The following PRTFDC1 variants were observed in gnomAD, a reference collection of about 807,000 sequenced individuals.
The protein encoded by PRTFDC1 is phosphoribosyltransferase domain-containing protein 1.
A neutral mutation model predicts 34.6 loss-of-function variants in PRTFDC1; 38 were observed. The observed-to-expected ratio is 1.10, with a 90% CI of 0.85 to 1.44. The LOEUF (loss-of-function observed/expected upper bound fraction) is 1.44. PRTFDC1 is among the 40% of genes most tolerant of loss of function. The pLI, the probability that PRTFDC1 is intolerant of heterozygous loss-of-function variation, is 0.00. For synonymous variants in PRTFDC1, 93 were observed against 98.1 expected (o/e 0.95, Z 0.31); for missense variants, 270 against 283.0 (o/e 0.95, Z 0.33).
At chr10:24,913,021 G>A (rs745448221) in intron 3 of PRTFDC1, among the ~76,000 whole-genome samples, 79 of 152,170 alleles carry the variant, frequency 5.2e-4, no homozygotes, top group African/African-American at 8.9e-4. Flanking sequence ...ACAATTTTTC[G>A]AAATCAGATT....
At chr10:24,912,839 G>A (rs1248616571) in intron 3 of PRTFDC1, among the ~76,000 whole-genome samples, 1 of 151,782 alleles carries the variant, frequency 6.6e-6, no homozygotes, top group African/African-American at 2.4e-5. Context: ...GATTACTGCA[G>A]TCACCTCTGA....
chr10:24,928,471 T>G (rs551267932), intron 3 of PRTFDC1, among the ~76,000 whole-genome samples: 1 of 152,170 alleles, frequency 6.6e-6, no homozygotes, highest in Admixed American at 6.5e-5. Context: ...TAAGACAGAG[T>G]CTCGCTCTGT....
intron 2 of PRTFDC1, among the ~76,000 whole-genome samples, chr10:24,941,179 T>C (rs950694623): frequency 6.6e-6 from 1 of 151,890 alleles, no homozygotes; most frequent in African/African-American, 2.4e-5. Flanking sequence ...TTAGCCTCCC[T>C]AGTAGCTGGG....
chr10:24,876,700 A>AT (rs1234719716), intron 3 of PRTFDC1, among the ~76,000 whole-genome samples: 2 of 152,056 alleles, frequency 1.3e-5, no homozygotes, highest in Non-Finnish European at 2.9e-5. Context: ...TCTCAAAAAA[A>AT]AAATTTATTA....
intron 3 of PRTFDC1, among the ~76,000 whole-genome samples, chr10:24,883,885 C>T (rs777656374): frequency 1.4e-5 from 2 of 139,860 alleles, no homozygotes; most frequent in South Asian, 2.3e-4. Context: ...AGTGCAGTGG[C>T]GTGATCTTGG....
intron 6 of PRTFDC1, among the ~76,000 whole-genome samples, chr10:24,856,527 G>A (rs2132490912): frequency 6.6e-6 from 1 of 152,298 alleles, no homozygotes; most frequent in South Asian, 2.1e-4. Context: ...GGTGGAGGTT[G>A]CAGTGAGCCG....
At chr10:24,930,371 A>T (rs1193557343) in intron 3 of PRTFDC1, among the ~76,000 whole-genome samples, 1 of 152,208 alleles carries the variant, frequency 6.6e-6, no homozygotes, top group African/African-American at 2.4e-5. Context: ...CAGTGTTAAT[A>T]TTCATTTTCT....
At chr10:24,912,974 A>G (rs1253538056) in intron 3 of PRTFDC1, among the ~76,000 whole-genome samples, 1 of 152,186 alleles carries the variant, frequency 6.6e-6, no homozygotes, top group Non-Finnish European at 1.5e-5. Context: ...TAAGTCAAAA[A>G]CTACAGACAC....
intron 3 of PRTFDC1, among the ~76,000 whole-genome samples, chr10:24,931,060 T>A (rs1848964248): frequency 6.6e-6 from 1 of 152,086 alleles, no homozygotes; most frequent in Admixed American, 6.6e-5. Flanking sequence ...CAAAATACAG[T>A]TTCTGCAACA....
At chr10:24,882,204 C>CAAAAAAAAAAAAAAAAAAAAAA (rs10651020) in intron 3 of PRTFDC1, among the ~76,000 whole-genome samples, 1 of 107,524 alleles carries the variant, frequency 9.3e-6, no homozygotes, top group Non-Finnish European at 1.8e-5. Flanking sequence ...GGATCTGCCT[C>CAAAAAAAAAAAAAAAAAAAAAA]AAAAAAAAAA....
intron 3 of PRTFDC1, among the ~76,000 whole-genome samples, chr10:24,882,071 G>C (rs985535574): frequency 6.6e-6 from 1 of 151,928 alleles, no homozygotes; most frequent in Non-Finnish European, 1.5e-5. Context: ...GCCAGGTGTG[G>C]TGGCACGCAC....
rs375644403 is a variant in PRTFDC1 at position 24,887,161 on chromosome 10, G to A, written c.340-15098C>T. Among the ~76,000 whole-genome samples, 97 of 150,920 alleles carry A rather than the reference G, an allele frequency of 6.4e-4. No homozygotes were observed. In the East Asian group the frequency reaches 0.012, roughly 18 times the overall value. On this transcript the variant is annotated intron_variant, in intron 3 of 8. Transcript: ENST00000320152. Reference sequence around the variant, plus strand: ...AATTTTTTGTATTTTTAGTAGAGACGGGGTTTCACCTTGTTAGCCAGGATG... The same window carrying A: ...AATTTTTTGTATTTTTAGTAGAGACAGGGTTTCACCTTGTTAGCCAGGATG...
At chr10:24,889,644 T>G (rs1848228150) in intron 3 of PRTFDC1, among the ~76,000 whole-genome samples, 1 of 152,224 alleles carries the variant, frequency 6.6e-6, no homozygotes, top group African/African-American at 2.4e-5. Context: ...CTTTTTAGGC[T>G]TAAGGTCTTT....
intron 3 of PRTFDC1, among the ~76,000 whole-genome samples, chr10:24,872,784 G>GTA (rs1291335299): frequency 3.2e-5 from 3 of 94,656 alleles, no homozygotes; most frequent in Non-Finnish European, 4.3e-5. Context: ...ATATGTGTGT[G>GTA]TGTGTATATA....
intron 4 of PRTFDC1, among the ~76,000 whole-genome samples, chr10:24,858,827 G>A (rs1329321476): frequency 1.3e-5 from 2 of 152,186 alleles, no homozygotes; most frequent in Non-Finnish European, 2.9e-5. Context: ...GGGTTCAGCT[G>A]TGACAGCCTT....
intron 3 of PRTFDC1, among the ~76,000 whole-genome samples, chr10:24,892,530 C>T (rs931327389): frequency 6.6e-6 from 1 of 151,872 alleles, no homozygotes; most frequent in South Asian, 2.1e-4. Flanking sequence ...ACCTATTGAC[C>T]ATTCGTATAC....
chr10:24,890,620 G>A (rs1054211586), intron 3 of PRTFDC1, among the ~76,000 whole-genome samples: 1 of 152,214 alleles, frequency 6.6e-6, no homozygotes, highest in Non-Finnish European at 1.5e-5. Context: ...GAGTCAGGGT[G>A]GCAGGGAAGA....
intron 3 of PRTFDC1, among the ~76,000 whole-genome samples, chr10:24,889,800 T>A (rs1224443849): frequency 1.3e-5 from 2 of 152,220 alleles, no homozygotes; most frequent in Admixed American, 6.5e-5. Context: ...AGTGCAGGCT[T>A]GCAAATTCCT....
At chr10:24,938,849 T>G (rs1849097124) in intron 2 of PRTFDC1, among the ~76,000 whole-genome samples, 2 of 152,072 alleles carry the variant, frequency 1.3e-5, no homozygotes, top group South Asian at 4.1e-4. Context: ...ATCGAAAGAT[T>G]TGAAAATGGT....
Sources: gnomAD v4.1 joint callset for allele counts (sites outside exome capture counted in the v4.1 genomes callset) on GRCh38, gnomAD v4.1.1 for gene constraint, MANE v1.5 for transcripts, NCBI Gene and HGNC (gene_info 2026-07-23, HGNC 2026-07-21) for gene names.